Variants in CDKL3 observed in about 807,000 individuals in gnomAD.
The protein encoded by CDKL3 is cyclin dependent kinase like 3, also known as cyclin-dependent kinase-like 3.
In CDKL3, 65 loss-of-function variants were observed where a neutral mutation model predicts 69.3. The ratio of observed to expected loss-of-function variants is 0.94; its 90% confidence interval spans 0.77 to 1.15. The LOEUF is 1.15. Ranked by LOEUF, CDKL3 falls within the 50% of genes most tolerant of loss-of-function variation. The probability of loss-of-function intolerance (pLI) is 0.00; values close to 1 mark genes in which losing one functional copy is unlikely to be tolerated. For missense variants in CDKL3, 652 were observed against 689.2 expected, an observed-to-expected ratio of 0.95 and a Z score of 0.61; for synonymous variants, 202 against 221.6, an observed-to-expected ratio of 0.91 and a Z score of 0.79.
At chr5:134,363,592 CT>C (rs1213874622) in intron 2 of CDKL3, among the ~76,000 whole-genome samples, 1 of 151,722 alleles carries the variant, frequency 6.6e-6, no homozygotes, top group Non-Finnish European at 1.5e-5. Flanking sequence ...TCCCGAGTAG[CT>C]GGGACTACAG....
downstream of CDKL3, among the ~76,000 whole-genome samples, chr5:134,283,878 C>G (rs1764735063): frequency 6.6e-6 from 1 of 152,124 alleles, no homozygotes; most frequent in African/African-American, 2.4e-5. Flanking sequence ...ATAAATACAG[C>G]CATTCTGAAT....
chr5:134,365,285 TTTTG>T (rs1293228603), intron 2 of CDKL3, among the ~76,000 whole-genome samples: 2 of 151,942 alleles, frequency 1.3e-5, no homozygotes, highest in African/African-American at 2.4e-5. Flanking sequence ...CCTTAATTTT[TTTTG>T]TTTAATTTTT....
At chr5:134,339,617 T>G (rs1749951439) in intron 4 of CDKL3, among the ~76,000 whole-genome samples, 1 of 152,226 alleles carries the variant, frequency 6.6e-6, no homozygotes. Context: ...AATATACATT[T>G]ATATATTGTT....
At chr5:134,293,786 T>C (rs1346597743), downstream of CDKL3, among the ~76,000 whole-genome samples, 1 of 151,478 alleles carries the variant, frequency 6.6e-6, no homozygotes, top group Non-Finnish European at 1.5e-5. Context: ...GGTGGCAGAG[T>C]AAGAACTTGT....
upstream of CDKL3, chr5:134,371,473 T>TCGGCGGAGGCGGCGGCGGCGG: frequency 1.7e-6 from 2 of 1,143,788 alleles, no homozygotes. Context: ...TTTGTCAGTC[T>TCGGCGGAGGCGGCGGCGGCGG]CGGCGGCGGC....
At chr5:134,368,574 G>C (rs148570156), upstream of CDKL3, among the ~76,000 whole-genome samples, 1 of 132,058 alleles carries the variant, frequency 7.6e-6, no homozygotes, top group Non-Finnish European at 1.5e-5. Flanking sequence ...AGCGGAGATC[G>C]CACCACTACA....
At chr5:134,348,445 T>C (rs1302452961) in intron 4 of CDKL3, among the ~76,000 whole-genome samples, 1 of 152,158 alleles carries the variant, frequency 6.6e-6, no homozygotes, top group Non-Finnish European at 1.5e-5. Context: ...ATGGACTCAC[T>C]AGCAAATTTG....
chr5:134,356,858 C>T (rs1754736501), intron 3 of CDKL3, among the ~76,000 whole-genome samples: 1 of 151,808 alleles, frequency 6.6e-6, no homozygotes, highest in South Asian at 2.1e-4. Flanking sequence ...TGTTTTACAT[C>T]AAAAGCATTT....
chr5:134,319,318 A>C, intron 6 of CDKL3, 40 bp downstream of exon 6: 1 of 1,439,690 alleles, frequency 6.9e-7, no homozygotes, highest in Non-Finnish European at 9.2e-7. Flanking sequence ...CGACAGAGCA[A>C]GACTCTGTCT....
chr5:134,335,287 C>G lies in CDKL3; in HGVS notation c.540-13384G>C, dbSNP rs186064118. 2.0e-5 allele frequency among the ~76,000 whole-genome samples: 3 copies of G among 152,144 alleles called. No individual in the cohort carries two copies. The East Asian group carries it at 5.8e-4, about 29-fold the overall frequency. Reference sequence around the variant, plus strand: ...TTGACTCTTTAACCAATTTGCCAGTCTGTGTCTTTTAATTGGGGCATTTAG... The same window carrying G: ...TTGACTCTTTAACCAATTTGCCAGTGTGTGTCTTTTAATTGGGGCATTTAG... On this transcript the variant is annotated intron_variant, in intron 4 of 12. Coordinates refer to ENST00000265334, the MANE Select transcript of CDKL3 (RefSeq NM_001113575.2).
chr5:134,332,316 T>A (rs571677354), intron 4 of CDKL3, among the ~76,000 whole-genome samples: 3 of 152,338 alleles, frequency 2.0e-5, no homozygotes, highest in African/African-American at 7.2e-5. Context: ...CATTTGTCTA[T>A]TTTGGCTTTT....
At position 134,303,937 on chromosome 5, in the gene CDKL3, A is replaced by AAT. The variant is rs1554078133; in HGVS notation, c.1621+467_1621+468insAT. Among the ~76,000 whole-genome samples the AAT allele has an allele frequency of 3.3e-3, 482 of 147,396 alleles. 1 individual carries two copies. The highest frequency in any genetic ancestry group is 0.011 in the Middle Eastern group (3 of 282). On this transcript the variant is annotated intron_variant, in intron 11 of 12. Transcript: ENST00000265334. ...TATTTTTCTTTTTAATTAAAAAAAA[A>AAT]TTTTTTTTTTTTAGAGACAGGGTCT...
intron 8 of CDKL3, among the ~76,000 whole-genome samples, chr5:134,292,945 A>G (rs1447137412): frequency 6.9e-6 from 1 of 143,998 alleles, no homozygotes; most frequent in Non-Finnish European, 1.5e-5. Flanking sequence ...TTAAATTTGT[A>G]TATTAAGATC....
chr5:134,349,162 T>C (rs1025061031), intron 4 of CDKL3, among the ~76,000 whole-genome samples: 1 of 152,176 alleles, frequency 6.6e-6, no homozygotes, highest in African/African-American at 2.4e-5. Flanking sequence ...ATTTGATGTA[T>C]CTAAAGCATT....
At chr5:134,361,418 G>C (rs765368910) in intron 2 of CDKL3, among the ~76,000 whole-genome samples, 13 of 152,132 alleles carry the variant, frequency 8.5e-5, no homozygotes, top group Non-Finnish European at 1.5e-4. Flanking sequence ...AAATATATTT[G>C]CCTTCATTCC....
upstream of CDKL3, chr5:134,367,368 CTTTTTTTT>C (rs57811547): frequency 4.6e-5 from 36 of 780,410 alleles, no homozygotes; most frequent in South Asian, 6.3e-5. Context: ...GGATCTGCAT[CTTTTTTTT>C]TTTTTTTTTT....
downstream of CDKL3, among the ~76,000 whole-genome samples, chr5:134,284,304 C>T (rs326611): frequency 0.13 from 20,417 of 152,086 alleles, 1,649 homozygotes; most frequent in African/African-American, 0.21. Flanking sequence ...TGGTAGGCTC[C>T]GTGATGCCCC....
chr5:134,312,469 G>T (rs1398242608), intron 6 of CDKL3, 89 bp from the exon 7 acceptor site: 4 of 695,980 alleles, frequency 5.7e-6, no homozygotes, highest in Non-Finnish European at 7.0e-6. Flanking sequence ...TAAGAAGTAA[G>T]TAATTATCCA....
intron 3 of CDKL3, among the ~76,000 whole-genome samples, chr5:134,356,635 T>C (rs181457534): frequency 2.1e-4 from 32 of 151,988 alleles, no homozygotes; most frequent in African/African-American, 7.7e-4. Context: ...AATACAAAAA[T>C]TAGGTGGGTG....
Sources: allele counts gnomAD v4.1 joint callset (sites outside exome capture counted in the v4.1 genomes callset), GRCh38; gene constraint gnomAD v4.1.1; transcripts MANE v1.5; gene names NCBI Gene and HGNC (gene_info 2026-07-23, HGNC 2026-07-21).